The following PCBP3 variants were observed in gnomAD, a reference collection of about 807,000 sequenced individuals.
PCBP3 encodes the protein poly(rC) binding protein 3, also known as poly(rC)-binding protein 3.
PCBP3 carries 25 observed loss-of-function variants against 52.7 expected under a neutral mutation model. The observed-to-expected ratio is 0.47, with a 90% CI of 0.35 to 0.66. The LOEUF (loss-of-function observed/expected upper bound fraction) is 0.66, where lower values mean the gene tolerates loss of function less well. Among genes scored for constraint, PCBP3 ranks in the 30% least tolerant of loss-of-function variants. PCBP3 has a pLI of 0.01. For missense variants in PCBP3, 391 were observed against 490.3 expected, an observed-to-expected ratio of 0.80 and a Z score of 1.91; for synonymous variants, 162 against 183.0, an observed-to-expected ratio of 0.89 and a Z score of 0.93.
At chr21:45,825,165 T>G (rs906337101) in intron 4 of PCBP3, among the ~76,000 whole-genome samples, 1 of 152,078 alleles carries the variant, frequency 6.6e-6, no homozygotes. Context: ...TGCTCTGAGG[T>G]TCTAATTGCT....
At chr21:45,662,281 T>G (rs907912640) in intron 1 of PCBP3, among the ~76,000 whole-genome samples, 92 of 29,408 alleles carry the variant, frequency 3.1e-3, no homozygotes, top group Non-Finnish European at 6.1e-3. Flanking sequence ...GTTTTTTTTT[T>G]TTTTTTTTTT....
intron 2 of PCBP3, among the ~76,000 whole-genome samples, chr21:45,733,663 C>T (rs889732169): frequency 1.3e-5 from 2 of 152,056 alleles, no homozygotes; most frequent in Non-Finnish European, 2.9e-5. Context: ...TGCAGTGGTG[C>T]GATCTTGGCT....
chr21:45,712,198 C>T (rs1454567236), intron 2 of PCBP3, among the ~76,000 whole-genome samples: 11 of 152,158 alleles, frequency 7.2e-5, no homozygotes, highest in Non-Finnish European at 1.5e-4. Context: ...ATGAATAAAG[C>T]TGCTATAAAC....
At chr21:45,809,120 A>G (rs1018023448) in intron 4 of PCBP3, among the ~76,000 whole-genome samples, 2 of 152,168 alleles carry the variant, frequency 1.3e-5, no homozygotes, top group Non-Finnish European at 2.9e-5. Context: ...GCAAACCACC[A>G]TGGCATGTGT....
intron 4 of PCBP3, among the ~76,000 whole-genome samples, chr21:45,771,852 T>C (rs2089894763): frequency 1.3e-5 from 2 of 152,210 alleles, no homozygotes; most frequent in African/African-American, 2.4e-5. Flanking sequence ...TAGTACCTAC[T>C]GCAGAATCAA....
chr21:45,867,030 C>T (rs987499704), intron 5 of PCBP3, among the ~76,000 whole-genome samples: 3 of 152,228 alleles, frequency 2.0e-5, no homozygotes, highest in African/African-American at 7.2e-5. Context: ...CATGGGAAGA[C>T]TATTCAGTGA....
chr21:45,932,250 C>A (rs1336116144), intron 15 of PCBP3, among the ~76,000 whole-genome samples: 1 of 151,554 alleles, frequency 6.6e-6, no homozygotes, highest in African/African-American at 2.4e-5. Flanking sequence ...CCTTGCCGTC[C>A]TGAGATGGAT....
At chr21:45,660,616 G>C (rs899711325) in intron 1 of PCBP3, among the ~76,000 whole-genome samples, 1 of 151,924 alleles carries the variant, frequency 6.6e-6, no homozygotes, top group East Asian at 1.9e-4. Context: ...GGGTTACTTG[G>C]GGTCTTACTA....
rs534610337 is a variant in PCBP3 at position 45,914,185 on chromosome 21, C to T, written c.675+160C>T. On this transcript the variant is annotated intron_variant, in intron 12 of 17. Transcript: ENST00000681687. ...TCTTCCACCTACACCCAGCACCAGG[C>T]GGACGCAGGGGGCCTTCAGAGCGGC... 2.9e-5 allele frequency: 37 copies of T among 1,256,818 alleles called. No homozygotes were observed. In the African/African-American group the frequency reaches 3.8e-4, roughly 13 times the overall value. 77.9% of individuals were successfully genotyped at this position (1,256,818 alleles called of 1,614,324 possible). A position where few individuals can be genotyped will look rare whatever the true frequency, so the allele number is the denominator to read the frequency against.
chr21:45,674,957 C>T (rs1001681055), intron 2 of PCBP3, among the ~76,000 whole-genome samples: 3 of 152,156 alleles, frequency 2.0e-5, no homozygotes, highest in Admixed American at 6.5e-5. Context: ...CTAGCACCCA[C>T]CATTTCTATT....
chr21:45,899,711 A>G, intron 7 of PCBP3, 89 bp downstream of exon 7: 2 of 951,450 alleles, frequency 2.1e-6, no homozygotes, highest in Non-Finnish European at 3.4e-6. Context: ...GGTGGCACCC[A>G]GTAGGTGCGC....
chr21:45,897,916 C>T lies in PCBP3; in HGVS notation c.165+1554C>T, dbSNP rs2095872475. On this transcript the variant is annotated intron_variant, in intron 6 of 17. Transcript: ENST00000681687. ...CAGTTCTTCCTGCCTCAGGTGTGCA[C>T]CACGAGGAATCCAACTGCCAGTATC... is the stretch of plus-strand genomic sequence containing the variant. Among the ~76,000 whole-genome samples the T allele has an allele frequency of 3.3e-5, 5 of 152,320 alleles. No homozygotes were observed. In the South Asian group the frequency reaches 1.0e-3, roughly 32 times the overall value.
At chr21:45,844,786 A>C (rs191489755) in intron 4 of PCBP3, among the ~76,000 whole-genome samples, 20 of 151,870 alleles carry the variant, frequency 1.3e-4, no homozygotes, top group East Asian at 3.9e-4. Flanking sequence ...CATAAGAAGA[A>C]GACTGGGTCT....
chr21:45,895,812 C>T (rs2095810109), intron 5 of PCBP3, among the ~76,000 whole-genome samples: 1 of 152,256 alleles, frequency 6.6e-6, no homozygotes, highest in Non-Finnish European at 1.5e-5. Context: ...TGTGTTGAGG[C>T]CACAGCAGAA....
intron 4 of PCBP3, among the ~76,000 whole-genome samples, chr21:45,797,469 CGAGTGCATGGATCCAT>C (rs1569235078): frequency 0.011 from 12 of 1,100 alleles, no homozygotes; most frequent in Non-Finnish European, 0.016. Context: ...CATGGATAGA[CGAGTGCATGGATCCAT>C]AGAGAGAGTG....
At chr21:45,899,706 C>T in intron 7 of PCBP3, 84 bp downstream of exon 7, 1 of 1,029,990 alleles carries the variant, frequency 9.7e-7, no homozygotes, top group Non-Finnish European at 1.5e-6. Context: ...TACTAGGTGG[C>T]ACCCAGTAGG....
intron 4 of PCBP3, among the ~76,000 whole-genome samples, chr21:45,841,298 A>G (rs2093694914): frequency 6.6e-6 from 1 of 150,914 alleles, no homozygotes; most frequent in African/African-American, 2.4e-5. Context: ...GTTCTCCTGA[A>G]CCTTTTTTAC....
intron 4 of PCBP3, among the ~76,000 whole-genome samples, chr21:45,844,798 A>C (rs2093771278): frequency 6.6e-6 from 1 of 151,150 alleles, no homozygotes; most frequent in South Asian, 2.1e-4. Context: ...ACTGGGTCTG[A>C]GTTTATATAC....
intron 11 of PCBP3, 175 bp downstream of exon 11, chr21:45,911,205 G>C (rs758445732): frequency 1.4e-6 from 1 of 726,026 alleles, no homozygotes; most frequent in Admixed American, 2.1e-5. Context: ...GCGCCACAGG[G>C]GTGCTGGGGC....
Sources: allele counts gnomAD v4.1 joint callset (sites outside exome capture counted in the v4.1 genomes callset), GRCh38; gene constraint gnomAD v4.1.1; transcripts MANE v1.5; gene names NCBI Gene and HGNC (gene_info 2026-07-23, HGNC 2026-07-21).